The following TUBGCP3 variants were observed in gnomAD, a reference collection of about 807,000 sequenced individuals.
TUBGCP3 encodes tubulin gamma complex component 3.
TUBGCP3 carries 50 observed loss-of-function variants against 123.1 expected under a neutral mutation model. The ratio of observed to expected loss-of-function variants is 0.41; its 90% CI spans 0.32 to 0.51. The LOEUF is 0.51. TUBGCP3 is among the 20% of genes least tolerant of loss of function. TUBGCP3 has a pLI of 0.36. For synonymous variants in TUBGCP3, 405 were observed against 413.9 expected (o/e 0.98, Z 0.26); for missense variants, 882 against 1,127.0 (o/e 0.78, Z 3.11).
chr13:112,565,052 A>G (rs1052399740), intron 3 of TUBGCP3, 59 bp downstream of exon 3: 77 of 1,453,512 alleles, frequency 5.3e-5, no homozygotes, highest in Non-Finnish European at 6.8e-5. Context: ...AAAGGTTCCT[A>G]TACCACTCAT....
chr13:112,532,189 A>C (rs1877634918), intron 11 of TUBGCP3, among the ~76,000 whole-genome samples: 1 of 152,240 alleles, frequency 6.6e-6, no homozygotes, highest in Admixed American at 6.5e-5. Flanking sequence ...AATTGGTCAG[A>C]TTCTCTGTAC....
intron 21 of TUBGCP3, 133 bp downstream of exon 21, chr13:112,489,448 G>A (rs1311151981): frequency 2.6e-5 from 19 of 723,078 alleles, no homozygotes; most frequent in Non-Finnish European, 4.3e-5. Flanking sequence ...TCCACCATGG[G>A]TGCTACTCAC....
At position 112,499,078 on chromosome 13, in the gene TUBGCP3, C is replaced by T; in HGVS notation, c.2415G>A (p.Gln805=). 2 of 1,614,190 alleles carry T rather than the reference C, an allele frequency of 1.2e-6. No individual in the cohort carries two copies. Among genetic ancestry groups the T allele is most frequent in the Non-Finnish European group, 1.7e-6 (2 of 1,180,024 alleles). The change falls in exon 20 of 22, where the codon CAG becomes CAA. Residue 805 remains glutamine, a synonymous_variant. Transcript: ENST00000261965. ...AALEELQRRL[Q]FEEKKKQREI... ...CACGCTGTTTCTTTTTCTCTTCAAA[C>T]TGTAATCGTCTCTGCAATTCTTCCA...
At position 112,516,578 on chromosome 13, in the gene TUBGCP3, G is replaced by A. The variant is rs1157297497; in HGVS notation, c.1951-3C>T. The A allele has an allele frequency of 1.9e-6, 3 of 1,612,068 alleles. No individual in the cohort carries two copies. The highest frequency in any genetic ancestry group is 2.5e-6 in the Non-Finnish European group (3 of 1,179,138). ...CTCATACATTCTCGAGTAAACACCT[G>A]GGATAACAGCAGAAGACAAGTTGAT... On this transcript the variant is annotated splice_polypyrimidine_tract_variant and splice_region_variant and intron_variant, in intron 16 of 21. Coordinates refer to ENST00000261965, the MANE Select transcript of TUBGCP3 (RefSeq NM_006322.6).
intron 13 of TUBGCP3, among the ~76,000 whole-genome samples, chr13:112,523,980 C>A (rs917695801): frequency 7.2e-5 from 11 of 152,068 alleles, no homozygotes; most frequent in Non-Finnish European, 5.9e-5. Context: ...CTCCGCAGAC[C>A]CTGGCAGCCA....
intron 17 of TUBGCP3, among the ~76,000 whole-genome samples, chr13:112,505,514 A>G (rs971364871): frequency 6.6e-6 from 1 of 152,342 alleles, no homozygotes; most frequent in African/African-American, 2.4e-5. Flanking sequence ...TCCTCTCAAG[A>G]CAGTAAAGAA....
chr13:112,516,662 A>G, intron 16 of TUBGCP3, 87 bp from the exon 17 acceptor site: 1 of 1,430,938 alleles, frequency 7.0e-7, no homozygotes, highest in South Asian at 1.5e-5. Context: ...AAAAAGGTAC[A>G]TTTTAGCAAA....
chr13:112,490,709 C>T, intron 20 of TUBGCP3, among the ~76,000 whole-genome samples: 1 of 152,168 alleles, frequency 6.6e-6, no homozygotes, highest in East Asian at 1.9e-4. Flanking sequence ...TCAATATTTA[C>T]AACCCAGATT....
intron 17 of TUBGCP3, among the ~76,000 whole-genome samples, chr13:112,515,077 C>A (rs1875991849): frequency 6.6e-6 from 1 of 152,092 alleles, no homozygotes; most frequent in African/African-American, 2.4e-5. Flanking sequence ...TGCATTTTCC[C>A]ATACATAGAA....
Position 112,588,079 on chromosome 13 carries a change from C to T in TUBGCP3, c.-99G>A. 9.2e-7 allele frequency: 1 copy of T among 1,087,540 alleles called. No individual in the cohort carries two copies. Among genetic ancestry groups the T allele is most frequent in the Non-Finnish European group, 1.2e-6 (1 of 826,922 alleles). 67.4% of individuals were successfully genotyped at this position (1,087,540 alleles called of 1,614,324 possible). A position where few individuals can be genotyped will look rare whatever the true frequency, so the allele number is the denominator to read the frequency against. ...CGCCCTTCCTGCGCCCCGCAAGCTCCCTGCTCCTGACAGGCTAAGGCGCGG... is the reference window on the plus strand; with the variant it reads ...CGCCCTTCCTGCGCCCCGCAAGCTCTCTGCTCCTGACAGGCTAAGGCGCGG... On this transcript the variant is annotated 5_prime_UTR_variant, in exon 1 of 22. Coordinates refer to ENST00000261965, the MANE Select transcript of TUBGCP3 (RefSeq NM_006322.6).
At chr13:112,578,899 A>G (rs1882069211) in intron 1 of TUBGCP3, among the ~76,000 whole-genome samples, 1 of 152,188 alleles carries the variant, frequency 6.6e-6, no homozygotes, top group South Asian at 2.1e-4. Context: ...GAAGAGTAAA[A>G]CATAAGCCCC....
the TUBGCP3 span, among the ~76,000 whole-genome samples, chr13:112,597,498 C>CTAG: frequency 6.6e-6 from 1 of 151,924 alleles, no homozygotes; most frequent in South Asian, 2.1e-4. Context: ...TTTTGGAAAA[C>CTAG]CAAGAGAAAC....
chr13:112,547,577 T>TCGCGCGTGGGAAAGA (rs1566567571), intron 10 of TUBGCP3, 43 bp downstream of exon 10: 16 of 1,006,980 alleles, frequency 1.6e-5, no homozygotes, highest in South Asian at 2.1e-5. Flanking sequence ...CGTGGGAAAG[T>TCGCGCGTGGGAAAGA]CGCGCGTGGG....
intron 1 of TUBGCP3, among the ~76,000 whole-genome samples, chr13:112,581,313 G>T (rs1326103033): frequency 1.4e-5 from 2 of 145,634 alleles, no homozygotes; most frequent in African/African-American, 5.4e-5. Context: ...ATGTTTTGTG[G>T]GGTCACAGGG....
At chr13:112,557,384 T>G (rs1002037050) in intron 5 of TUBGCP3, among the ~76,000 whole-genome samples, 1 of 152,336 alleles carries the variant, frequency 6.6e-6, no homozygotes, top group East Asian at 1.9e-4. Flanking sequence ...TGAACATAAT[T>G]GAATAAATCA....
chr13:112,578,991 A>AT (rs888525831), intron 1 of TUBGCP3, among the ~76,000 whole-genome samples: 17 of 152,176 alleles, frequency 1.1e-4, no homozygotes, highest in Admixed American at 5.2e-4. Context: ...ATGATGACCC[A>AT]TTTTTTTAGA....
intron 1 of TUBGCP3, among the ~76,000 whole-genome samples, chr13:112,572,965 A>T (rs1881533155): frequency 6.6e-6 from 1 of 152,194 alleles, no homozygotes; most frequent in African/African-American, 2.4e-5. Flanking sequence ...TGTCCTCCAC[A>T]AGGAAGCTCA....
intron 11 of TUBGCP3, among the ~76,000 whole-genome samples, chr13:112,539,654 C>T (rs1002881794): frequency 5.9e-5 from 9 of 152,266 alleles, no homozygotes; most frequent in Admixed American, 1.3e-4. Context: ...ACCCTAGGTA[C>T]GTGCATCAGT....
At chr13:112,487,915 T>G (rs570819877) in intron 21 of TUBGCP3, among the ~76,000 whole-genome samples, 2 of 152,126 alleles carry the variant, frequency 1.3e-5, no homozygotes, top group East Asian at 3.9e-4. Flanking sequence ...GTGGATCACT[T>G]GAGGTCAGGA....
Sources: allele counts gnomAD v4.1 joint callset (sites outside exome capture counted in the v4.1 genomes callset), GRCh38; gene constraint gnomAD v4.1.1; transcripts MANE v1.5; gene names NCBI Gene and HGNC (gene_info 2026-07-23, HGNC 2026-07-21).